DIAPH3: variants seen among roughly 807,000 people sequenced by gnomAD.
DIAPH3 encodes diaphanous related formin 3.
Under a neutral mutation model 144.3 loss-of-function variants are expected in DIAPH3, and 117 were observed. The observed-to-expected ratio is 0.81, with a 90% CI of 0.70 to 0.95. DIAPH3 has a LOEUF of 0.95. Ranked by LOEUF, DIAPH3 falls within the 40% of genes least tolerant of loss-of-function variation. The pLI is 0.00. For synonymous variants in DIAPH3, 519 were observed against 488.9 expected (o/e 1.06, Z -0.81); for missense variants, 1,421 against 1,412.7 (o/e 1.01, Z -0.09).
At chr13:59,751,165 A>G (rs1241509927) in intron 27 of DIAPH3, among the ~76,000 whole-genome samples, 2 of 152,276 alleles carry the variant, frequency 1.3e-5, no homozygotes, top group African/African-American at 4.8e-5. Flanking sequence ...TGCTCCTGCA[A>G]AAGAATTTCA....
chr13:60,005,125 A>G (rs965431460), intron 9 of DIAPH3, among the ~76,000 whole-genome samples: 1 of 152,226 alleles, frequency 6.6e-6, no homozygotes, highest in Non-Finnish European at 1.5e-5. Context: ...ATGTCTGTCG[A>G]CTGACAGCTG....
chr13:59,772,205 C>T lies in DIAPH3; in HGVS notation c.3319+1984G>A, dbSNP rs144236901. Among the ~76,000 whole-genome samples, 942 of 152,026 alleles carry T rather than the reference C, an allele frequency of 6.2e-3. 8 individuals are homozygous for T. Among genetic ancestry groups the T allele is most frequent in the Non-Finnish European group, 0.011 (717 of 67,886 alleles). ...ATCCTATACTAAAAATAATCACTAC[C>T]CTTTTTGCAATGAAGACATTTTCCT... On this transcript the variant is annotated intron_variant, in intron 27 of 27. Transcript: ENST00000400324.
chr13:59,859,192 A>G (rs2043428616), intron 22 of DIAPH3, among the ~76,000 whole-genome samples: 1 of 152,166 alleles, frequency 6.6e-6, no homozygotes, highest in African/African-American at 2.4e-5. Context: ...AAAGTACTTC[A>G]GTGATGGCTT....
chr13:59,697,491 A>AAAAAAAAAAAAAG lies in DIAPH3; in HGVS notation c.3320-30646_3320-30645insCTTTTTTTTTTTT, dbSNP rs1555274392. ...AAAAAAAAAAAAAAAAAAAAAAAAA[A>AAAAAAAAAAAAAG]AAGAAGAGGGGATTCAACTCATATA... On this transcript the variant is annotated intron_variant, in intron 27 of 27. Transcript: ENST00000400324. Among the ~76,000 whole-genome samples the AAAAAAAAAAAAAG allele has an allele frequency of 1.1e-3, 87 of 78,030 alleles. 2 individuals carry two copies. Among genetic ancestry groups the AAAAAAAAAAAAAG allele is most frequent in the Non-Finnish European group, 1.4e-3 (57 of 40,216 alleles). 51.2% of individuals were successfully genotyped at this position (78,030 alleles called of 152,430 possible).
rs536323180 is a variant in DIAPH3, at chr13:60,075,195, T to C, written c.495+18433A>G. ...TTAATTTACATATTGAAATTGAACGTCTTTTCATGTGGATGTATGACATTC... is the reference window on the plus strand; with the variant it reads ...TTAATTTACATATTGAAATTGAACGCCTTTTCATGTGGATGTATGACATTC... On this transcript the variant is annotated intron_variant, in intron 4 of 27. Transcript: ENST00000400324. Among the ~76,000 whole-genome samples the C allele has an allele frequency of 7.2e-5, 11 of 152,324 alleles. No individual in the cohort carries two copies. The South Asian group carries it at 8.3e-4, about 11-fold the overall frequency.
chr13:59,896,778 A>C (rs1386449076), intron 20 of DIAPH3, among the ~76,000 whole-genome samples: 1 of 152,232 alleles, frequency 6.6e-6, no homozygotes, highest in East Asian at 1.9e-4. Flanking sequence ...AACTAATATC[A>C]GAAGAGAAGC....
At chr13:59,959,040 T>C (rs1420420849) in intron 17 of DIAPH3, among the ~76,000 whole-genome samples, 1 of 152,092 alleles carries the variant, frequency 6.6e-6, no homozygotes, top group Non-Finnish European at 1.5e-5. Flanking sequence ...CATACCCTGC[T>C]AATTTTTGTA....
At chr13:59,992,669 C>T (rs1399762808) in intron 9 of DIAPH3, 86 bp from the exon 10 acceptor site, 2 of 1,043,578 alleles carry the variant, frequency 1.9e-6, no homozygotes, top group African/African-American at 3.2e-5. Flanking sequence ...TTTGTTCCAG[C>T]ATTATTAAAT....
chr13:59,701,031 T>C (rs953839356), intron 27 of DIAPH3, among the ~76,000 whole-genome samples: 3 of 152,196 alleles, frequency 2.0e-5, no homozygotes, highest in African/African-American at 7.2e-5. Context: ...CAGTCTTTAC[T>C]AACACCATTT....
At chr13:59,984,615 C>T (rs1321324237) in intron 12 of DIAPH3, among the ~76,000 whole-genome samples, 3 of 150,108 alleles carry the variant, frequency 2.0e-5, no homozygotes, top group African/African-American at 4.9e-5. Context: ...ATCAAATAGA[C>T]ACAATAAAAA....
intron 1 of DIAPH3, among the ~76,000 whole-genome samples, chr13:60,159,544 A>G (rs962250237): frequency 3.3e-5 from 5 of 151,732 alleles, no homozygotes; most frequent in Non-Finnish European, 5.9e-5. Flanking sequence ...GAACTGCTTG[A>G]GCCCAGGAGG....
chr13:59,794,965 G>A (rs187212437), intron 25 of DIAPH3, among the ~76,000 whole-genome samples: 131 of 152,328 alleles, frequency 8.6e-4, no homozygotes, highest in African/African-American at 3.1e-3. Flanking sequence ...GCCTCAGTCT[G>A]CAAGACATAG....
In DIAPH3 at chr13:59,970,998, G is replaced by A. The variant is rs746295750; in HGVS notation, c.1813C>T (p.Pro605Ser). The A allele has an allele frequency of 4.3e-6, 7 of 1,613,734 alleles. No homozygotes were observed. Among genetic ancestry groups the A allele is most frequent in the Middle Eastern group, 3.3e-4 (2 of 6,018 alleles). The change falls in exon 16 of 28, where the codon CCA becomes TCA. Residue 605 changes from proline to serine, a missense_variant. Transcript: ENST00000400324. ...PPPPLPGMRM[P>S]FSGPVPPPPP... is the part of the protein sequence containing the mutation. Reference sequence around the variant, plus strand: ...GGTGGAGGCACAGGACCACTGAATGGCATCCGCATTCCTGGAAGTGGAGGA... The same window carrying A: ...GGTGGAGGCACAGGACCACTGAATGACATCCGCATTCCTGGAAGTGGAGGA...
intron 22 of DIAPH3, among the ~76,000 whole-genome samples, chr13:59,858,488 G>A (rs1383487130): frequency 6.6e-6 from 1 of 152,114 alleles, no homozygotes; most frequent in East Asian, 1.9e-4. Flanking sequence ...CTAGAATTAA[G>A]AGTTGACTAG....
In DIAPH3 at chr13:59,856,425, C is replaced by G. The variant is rs1221691860; in HGVS notation, c.2737+4982G>C. Reference sequence around the variant, plus strand: ...TCCTCAATTCTGGAGGCCAGAAGTCCAAGATCAAGGTGTTGGCAGAGTTGG... The same window carrying G: ...TCCTCAATTCTGGAGGCCAGAAGTCGAAGATCAAGGTGTTGGCAGAGTTGG... On this transcript the variant is annotated intron_variant, in intron 22 of 27. Transcript: ENST00000400324. 2.6e-5 allele frequency among the ~76,000 whole-genome samples: 4 copies of G among 152,078 alleles called. No individual in the cohort carries two copies. The South Asian group carries it at 6.2e-4, about 24-fold the overall frequency.
At chr13:59,859,927 G>A (rs1173964173) in intron 22 of DIAPH3, among the ~76,000 whole-genome samples, 2 of 152,022 alleles carry the variant, frequency 1.3e-5, no homozygotes, top group Non-Finnish European at 2.9e-5. Flanking sequence ...TTATAGCAAG[G>A]ACATTTTCAG....
At chr13:59,818,086 A>G (rs560433553) in intron 24 of DIAPH3, among the ~76,000 whole-genome samples, 11 of 152,044 alleles carry the variant, frequency 7.2e-5, no homozygotes, top group African/African-American at 2.6e-4. Flanking sequence ...TTTTGTAAAC[A>G]AAGTTTTACT....
At chr13:59,748,700 A>C (rs990059848) in intron 27 of DIAPH3, among the ~76,000 whole-genome samples, 6 of 152,142 alleles carry the variant, frequency 3.9e-5, no homozygotes, top group African/African-American at 9.7e-5. Context: ...AACCTGTAAA[A>C]ACTTAAATTG....
chr13:59,709,309 C>A (rs2034600075), intron 27 of DIAPH3, among the ~76,000 whole-genome samples: 1 of 151,992 alleles, frequency 6.6e-6, no homozygotes, highest in African/African-American at 2.4e-5. Context: ...GAACAGGCAA[C>A]CTACAAAATG....
Sources: gnomAD v4.1 joint callset for allele counts (sites outside exome capture counted in the v4.1 genomes callset) on GRCh38, gnomAD v4.1.1 for gene constraint, MANE v1.5 for transcripts, NCBI Gene and HGNC (gene_info 2026-07-23, HGNC 2026-07-21) for gene names.